DPP10: variants seen among roughly 807,000 people sequenced by gnomAD.
The protein encoded by DPP10 is dipeptidyl peptidase like 10.
A neutral mutation model predicts 120.9 loss-of-function variants in DPP10; 33 were observed. The observed-to-expected ratio is 0.27, with a 90% CI of 0.21 to 0.37. The LOEUF (loss-of-function observed/expected upper bound fraction) is 0.37. DPP10 is among the 10% of genes least tolerant of loss of function. The pLI is 1.00. For synonymous variants in DPP10, 337 were observed against 326.1 expected (o/e 1.03, Z -0.36); for missense variants, 816 against 942.8 (o/e 0.87, Z 1.76).
intron 1 of DPP10, among the ~76,000 whole-genome samples, chr2:114,784,398 A>G (rs1316983722): frequency 1.3e-5 from 2 of 152,168 alleles, no homozygotes; most frequent in African/African-American, 4.8e-5. Context: ...AAAAAGAGGT[A>G]GGTTTAAAAA....
At chr2:115,526,600 C>T (rs184221628) in intron 5 of DPP10, among the ~76,000 whole-genome samples, 20 of 152,090 alleles carry the variant, frequency 1.3e-4, no homozygotes, top group African/African-American at 3.9e-4. Flanking sequence ...ATCATTTGCA[C>T]GATTAAAAAG....
chr2:114,465,767 T>C (rs950595626), intron 1 of DPP10, among the ~76,000 whole-genome samples: 4 of 152,242 alleles, frequency 2.6e-5, no homozygotes, highest in Non-Finnish European at 4.4e-5. Context: ...TTCTGATACA[T>C]GTATGCAATG....
chr2:115,804,856 C>A (rs958294680), intron 19 of DPP10, among the ~76,000 whole-genome samples: 3 of 152,206 alleles, frequency 2.0e-5, no homozygotes, highest in Non-Finnish European at 4.4e-5. Context: ...GGAGTGCCTC[C>A]CAGTTAGGCT....
intron 3 of DPP10, among the ~76,000 whole-genome samples, chr2:115,363,178 C>T (rs1043042606): frequency 3.3e-5 from 5 of 152,088 alleles, no homozygotes; most frequent in African/African-American, 1.2e-4. Flanking sequence ...TTCCCTTCTC[C>T]TTTGAATTTG....
At chr2:114,699,151 C>A (rs375935579) in intron 1 of DPP10, among the ~76,000 whole-genome samples, 1 of 152,084 alleles carries the variant, frequency 6.6e-6, no homozygotes, top group Non-Finnish European at 1.5e-5. Flanking sequence ...ATCTAAAAAA[C>A]GTTAAGTAAT....
At chr2:115,145,403 T>C (rs963828465) in intron 1 of DPP10, among the ~76,000 whole-genome samples, 3 of 152,230 alleles carry the variant, frequency 2.0e-5, no homozygotes, top group Admixed American at 6.5e-5. Flanking sequence ...TTATGAAGTA[T>C]GTAGCCTTTT....
At chr2:114,812,223 A>G (rs1332978035) in intron 1 of DPP10, among the ~76,000 whole-genome samples, 1 of 152,134 alleles carries the variant, frequency 6.6e-6, no homozygotes, top group Non-Finnish European at 1.5e-5. Flanking sequence ...GGGAAATTAG[A>G]AGTTAGAAAG....
chr2:115,648,018 A>T (rs1167068161), intron 5 of DPP10, among the ~76,000 whole-genome samples: 2 of 152,164 alleles, frequency 1.3e-5, no homozygotes, highest in African/African-American at 4.8e-5. Flanking sequence ...GCAAAGAAGG[A>T]AAAACTTATT....
At chr2:115,565,147 G>GTA (rs567015090) in intron 5 of DPP10, among the ~76,000 whole-genome samples, 32 of 152,206 alleles carry the variant, frequency 2.1e-4, no homozygotes, top group African/African-American at 7.0e-4. Context: ...AAGTATGTGT[G>GTA]TATATATGTA....
intron 1 of DPP10, among the ~76,000 whole-genome samples, chr2:115,212,162 A>G (rs529307743): frequency 1.3e-4 from 20 of 152,252 alleles, no homozygotes; most frequent in Admixed American, 4.6e-4. Context: ...TTTAAACTAA[A>G]CACTTACTGT....
chr2:114,849,976 C>CA (rs1688823569), intron 1 of DPP10, among the ~76,000 whole-genome samples: 1 of 149,058 alleles, frequency 6.7e-6, no homozygotes, highest in Non-Finnish European at 1.5e-5. Flanking sequence ...CTTCTCTTCT[C>CA]CCTCCCCTCT....
intron 1 of DPP10, among the ~76,000 whole-genome samples, chr2:114,848,433 C>A (rs1213049516): frequency 1.3e-5 from 2 of 152,076 alleles, no homozygotes; most frequent in Middle Eastern, 3.2e-3. Flanking sequence ...ACAACTCCAA[C>A]CAAAAATGAC....
chr2:115,323,481 A>G (rs2062172795), intron 2 of DPP10, among the ~76,000 whole-genome samples: 6 of 152,172 alleles, frequency 3.9e-5, no homozygotes, highest in Admixed American at 3.9e-4. Flanking sequence ...TAATGTTGAT[A>G]TTTTGACCTT....
chr2:115,360,733 G>T (rs1183930514), intron 3 of DPP10, among the ~76,000 whole-genome samples: 2 of 152,216 alleles, frequency 1.3e-5, no homozygotes, highest in Non-Finnish European at 2.9e-5. Context: ...AGTGGCCTGA[G>T]CCAAAGGTTA....
chr2:115,085,808 T>C (rs753213427), intron 1 of DPP10, among the ~76,000 whole-genome samples: 1 of 152,196 alleles, frequency 6.6e-6, no homozygotes, highest in Non-Finnish European at 1.5e-5. Flanking sequence ...ACTAAATAAA[T>C]AAATATATTG....
At chr2:115,377,655 A>C (rs1168633735) in intron 3 of DPP10, among the ~76,000 whole-genome samples, 8 of 152,118 alleles carry the variant, frequency 5.3e-5, no homozygotes, top group African/African-American at 1.9e-4. Flanking sequence ...GGTAATGCCT[A>C]GGTTTTCTTC....
intron 2 of DPP10, 63 bp from the exon 3 acceptor site, chr2:115,343,754 A>T (rs1235758013): frequency 1.7e-6 from 2 of 1,158,528 alleles, no homozygotes; most frequent in Non-Finnish European, 2.5e-6. Context: ...AAATTTTGTA[A>T]TTTGCTCCTT....
intron 1 of DPP10, among the ~76,000 whole-genome samples, chr2:114,978,073 G>A (rs889674148): frequency 5.3e-5 from 8 of 152,112 alleles, no homozygotes; most frequent in African/African-American, 1.9e-4. Context: ...AAGTGAGTGA[G>A]GGTATTAGCA....
At chr2:114,816,844 G>T (rs1558770800) in intron 1 of DPP10, among the ~76,000 whole-genome samples, 2 of 152,186 alleles carry the variant, frequency 1.3e-5, no homozygotes, top group East Asian at 1.9e-4. Flanking sequence ...GGCACAGGAA[G>T]ATCAGAAACT....
Sources: gnomAD v4.1 joint callset for allele counts (sites outside exome capture counted in the v4.1 genomes callset) on GRCh38, gnomAD v4.1.1 for gene constraint, MANE v1.5 for transcripts, NCBI Gene and HGNC (gene_info 2026-07-23, HGNC 2026-07-21) for gene names.